The following STOM variants were observed in gnomAD, a reference collection of about 807,000 sequenced individuals.
STOM encodes erythrocyte band 7 integral membrane protein.
Under a neutral mutation model 30.6 loss-of-function variants are expected in STOM, and 25 were observed. The observed-to-expected ratio is 0.82, with a 90% CI of 0.60 to 1.14. STOM has a LOEUF of 1.14. Ranked by LOEUF, STOM falls within the 50% of genes most tolerant of loss-of-function variation. STOM has a pLI of 0.00. For missense variants in STOM, 292 were observed against 365.2 expected, an observed-to-expected ratio of 0.80 and a Z score of 1.63; for synonymous variants, 118 against 130.8, an observed-to-expected ratio of 0.90 and a Z score of 0.67.
At chr9:121,366,347 C>T (rs2064503477) in intron 1 of STOM, 1 of 741,048 alleles carries the variant, frequency 1.3e-6, no homozygotes, top group African/African-American at 1.9e-5. Flanking sequence ...TTTTAATTAT[C>T]AACAAGTGTG....
intron 1 of STOM, among the ~76,000 whole-genome samples, chr9:121,357,441 T>TATAGATATATATATATATATATA (rs1564631312): frequency 1.3e-5 from 1 of 74,108 alleles, no homozygotes; most frequent in African/African-American, 5.1e-5. Flanking sequence ...ATATATATAT[T>TATAGATATATATATATATATATA]TATTTATTTA....
At chr9:121,342,517 A>G (rs967240854) in intron 6 of STOM, among the ~76,000 whole-genome samples, 3 of 152,208 alleles carry the variant, frequency 2.0e-5, no homozygotes, top group Non-Finnish European at 4.4e-5. Flanking sequence ...TCATGACAAA[A>G]TGTATGTTAG....
chr9:121,348,172 G>A, intron 5 of STOM, 23 bp from the exon 6 acceptor site: 1 of 1,613,916 alleles, frequency 6.2e-7, no homozygotes, highest in Non-Finnish European at 8.5e-7. Flanking sequence ...GAGAAGGCAA[G>A]CTAAATCTCC....
At chr9:121,369,936 C>G (rs1033156707) in intron 1 of STOM, 191 bp downstream of exon 1, 1 of 539,818 alleles carries the variant, frequency 1.9e-6, no homozygotes, top group African/African-American at 1.9e-5. Flanking sequence ...GCCCGCCACC[C>G]CTCCATCGTG....
intron 4 of STOM, among the ~76,000 whole-genome samples, chr9:121,352,844 C>CTTTAGGAGGG (rs2134031325): frequency 6.6e-6 from 1 of 152,252 alleles, no homozygotes; most frequent in Non-Finnish European, 1.5e-5. Flanking sequence ...CCTGTAATCC[C>CTTTAGGAGGG]AGCACTTTAG....
At chr9:121,363,779 G>C (rs2064477283) in intron 1 of STOM, among the ~76,000 whole-genome samples, 1 of 152,206 alleles carries the variant, frequency 6.6e-6, no homozygotes, top group Non-Finnish European at 1.5e-5. Flanking sequence ...ATTTGAGGAG[G>C]AAGACTTGCA....
chr9:121,367,096 T>A (rs141189829), intron 1 of STOM, among the ~76,000 whole-genome samples: 230 of 151,924 alleles, frequency 1.5e-3, no homozygotes, highest in African/African-American at 5.4e-3. Context: ...GTAGTTTAAT[T>A]ATGGGAGGGG....
In STOM at chr9:121,358,880, C is replaced by G. The variant is rs146945467; in HGVS notation, c.62-2724G>C. Among the ~76,000 whole-genome samples, 528 of 152,244 alleles carry G rather than the reference C, an allele frequency of 3.5e-3. 2 individuals are homozygous for G. The highest frequency in any genetic ancestry group is 0.012 in the African/African-American group (491 of 41,526). ...CTTCTGGAAGAATTCTCTCTCAGAG[C>G]CTTGTGTGGACTTCCTTCATCTGGT... On this transcript the variant is annotated intron_variant, in intron 1 of 6. Transcript: ENST00000286713.
intron 1 of STOM, among the ~76,000 whole-genome samples, chr9:121,367,337 C>T (rs1272410355): frequency 6.6e-6 from 1 of 152,082 alleles, no homozygotes; most frequent in Non-Finnish European, 1.5e-5. Context: ...GAATCAGTGA[C>T]TGTCTTTTAC....
Position 121,356,881 on chromosome 9 carries a change from G to A in STOM, c.62-725C>T, listed in dbSNP as rs148759156. Among the ~76,000 whole-genome samples, 555 of 152,296 alleles carry A rather than the reference G, an allele frequency of 3.6e-3. 4 individuals are homozygous for A. The highest frequency in any genetic ancestry group is 0.013 in the African/African-American group (533 of 41,568). ...GCCTGTAATCCCAGCTACTGGGAAG[G>A]CTGAGGCAGGAGAATTGCATGAACC... is the stretch of plus-strand genomic sequence containing the variant. On this transcript the variant is annotated intron_variant, in intron 1 of 6. Coordinates refer to ENST00000286713, the MANE Select transcript of STOM (RefSeq NM_004099.6).
At chr9:121,356,860 G>A (rs1428109077) in intron 1 of STOM, among the ~76,000 whole-genome samples, 1 of 152,188 alleles carries the variant, frequency 6.6e-6, no homozygotes, top group Non-Finnish European at 1.5e-5. Flanking sequence ...GTGAGTGCCT[G>A]TAATCCCAGC....
At chr9:121,353,734 A>C (rs1374698013) in intron 3 of STOM, among the ~76,000 whole-genome samples, 1 of 151,304 alleles carries the variant, frequency 6.6e-6, no homozygotes, top group Non-Finnish European at 1.5e-5. Context: ...CACACCCTGC[A>C]CTCTTGCTGG....
intron 1 of STOM, among the ~76,000 whole-genome samples, chr9:121,359,142 G>T (rs776941056): frequency 6.6e-6 from 1 of 152,178 alleles, no homozygotes; most frequent in Non-Finnish European, 1.5e-5. Flanking sequence ...GGGAGAAAAG[G>T]TATGCCAGGC....
At chr9:121,350,710 G>A (rs2064331907) in intron 4 of STOM, among the ~76,000 whole-genome samples, 1 of 152,174 alleles carries the variant, frequency 6.6e-6, no homozygotes, top group South Asian at 2.1e-4. Flanking sequence ...CCAAATTTCT[G>A]TGAAGATCAA....
intron 4 of STOM, 85 bp downstream of exon 4, chr9:121,353,135 A>G (rs1421082838): frequency 1.7e-6 from 1 of 585,838 alleles, no homozygotes; most frequent in Non-Finnish European, 2.7e-6. Context: ...TAAATAAATA[A>G]ATAAAGCCTA....
chr9:121,340,348 G>C lies in STOM; in HGVS notation c.*854C>G, dbSNP rs2134018415. ...TGGCTATTTCCTCTAGTTCTGACAA[G>C]TACAGGCAAGAAAATGGCTACTCTC... On this transcript the variant is annotated 3_prime_UTR_variant, in exon 7 of 7. Coordinates refer to ENST00000286713, the MANE Select transcript of STOM (RefSeq NM_004099.6). The C allele has an allele frequency of 2.0e-6, 2 of 985,378 alleles. No homozygotes were observed. Among genetic ancestry groups the C allele is most frequent in the South Asian group, 9.4e-5 (2 of 21,290 alleles). The allele number at this position is 985,378 out of a possible 1,614,324, so 61.0% of individuals were successfully genotyped here. A position where few individuals can be genotyped will look rare whatever the true frequency, so the allele number is the denominator to read the frequency against.
intron 1 of STOM, among the ~76,000 whole-genome samples, chr9:121,358,137 C>T (rs934301281): frequency 1.4e-5 from 2 of 145,814 alleles, no homozygotes; most frequent in Non-Finnish European, 3.0e-5. Flanking sequence ...TCTGTCTCTA[C>T]TTTAAAAAAA....
At chr9:121,353,323 T>C in intron 3 of STOM, 21 bp from the exon 4 acceptor site, 1 of 1,550,694 alleles carries the variant, frequency 6.4e-7, no homozygotes, top group South Asian at 1.2e-5. Flanking sequence ...GATACACACA[T>C]TATACAGACA....
chr9:121,347,385 A>G (rs1409744339), intron 6 of STOM, among the ~76,000 whole-genome samples: 1 of 152,232 alleles, frequency 6.6e-6, no homozygotes, highest in Non-Finnish European at 1.5e-5. Context: ...CAGAGGGGCC[A>G]TGCCACCCAT....
Sources: allele counts gnomAD v4.1 joint callset (sites outside exome capture counted in the v4.1 genomes callset), GRCh38; gene constraint gnomAD v4.1.1; transcripts MANE v1.5; gene names NCBI Gene and HGNC (gene_info 2026-07-23, HGNC 2026-07-21).